Variants in FAM216A observed in about 807,000 individuals in gnomAD.
The protein encoded by FAM216A is family with sequence similarity 216 member A, also known as protein FAM216A.
Under a neutral mutation model 37.6 loss-of-function variants are expected in FAM216A, and 26 were observed. That is an observed-to-expected ratio of 0.69 (90% confidence interval 0.51 to 0.96). The LOEUF is 0.96. Among genes scored for constraint, FAM216A ranks in the 40% least tolerant of loss-of-function variants. The pLI, the probability that FAM216A is intolerant of heterozygous loss-of-function variation, is 0.00. For missense variants in FAM216A, 326 were observed against 339.3 expected, an observed-to-expected ratio of 0.96 and a Z score of 0.31; for synonymous variants, 110 against 121.7, an observed-to-expected ratio of 0.90 and a Z score of 0.64.
At chr12:110,485,673 C>A (rs2062773311) in intron 3 of FAM216A, among the ~76,000 whole-genome samples, 1 of 152,122 alleles carries the variant, frequency 6.6e-6, no homozygotes, top group Admixed American at 6.6e-5. Flanking sequence ...CATTAACGAT[C>A]GTAACTGCTA....
At chr12:110,480,142 C>T (rs1308666782) in intron 2 of FAM216A, among the ~76,000 whole-genome samples, 1 of 149,936 alleles carries the variant, frequency 6.7e-6, no homozygotes, top group African/African-American at 2.4e-5. Flanking sequence ...TCTCCTGCCT[C>T]AGCCTCCTGA....
chr12:110,470,722 G>C (rs1407468991), intron 1 of FAM216A, among the ~76,000 whole-genome samples: 4 of 152,110 alleles, frequency 2.6e-5, no homozygotes, highest in African/African-American at 9.6e-5. Context: ...CTTTATGGAT[G>C]ACAAAACAGG....
At chr12:110,486,056 C>G (rs2062774963) in intron 3 of FAM216A, among the ~76,000 whole-genome samples, 1 of 152,194 alleles carries the variant, frequency 6.6e-6, no homozygotes, top group Non-Finnish European at 1.5e-5. Context: ...CTTGACAGAA[C>G]AGCAGATTCG....
chr12:110,474,609 T>C (rs1009471697), intron 2 of FAM216A, among the ~76,000 whole-genome samples: 1 of 143,012 alleles, frequency 7.0e-6, no homozygotes, highest in African/African-American at 2.7e-5. Flanking sequence ...GGAGAATCAC[T>C]TCAACTCAGG....
At chr12:110,468,835 G>C, upstream of FAM216A, 1 of 1,473,658 alleles carries the variant, frequency 6.8e-7, no homozygotes, top group Non-Finnish European at 9.0e-7. Context: ...CGCCTCTCCG[G>C]AATACCAGCA....
At chr12:110,484,065 T>G (rs1395216716) in intron 2 of FAM216A, among the ~76,000 whole-genome samples, 1 of 151,754 alleles carries the variant, frequency 6.6e-6, no homozygotes. Context: ...CAGTGAGCTA[T>G]GATTATGCCA....
At chr12:110,469,043 G>T (rs998930536) in intron 1 of FAM216A, 25 bp downstream of exon 1, 18 of 1,420,156 alleles carry the variant, frequency 1.3e-5, no homozygotes, top group Non-Finnish European at 1.7e-5. Flanking sequence ...CCCGGGGTAA[G>T]GGTGGCAGCA....
At chr12:110,486,182 T>C (rs2062775536) in intron 3 of FAM216A, 143 bp from the exon 4 acceptor site, 3 of 827,306 alleles carry the variant, frequency 3.6e-6, no homozygotes, top group Non-Finnish European at 5.4e-6. Flanking sequence ...TTTCTTTCTC[T>C]TTTGTCAAGT....
chr12:110,485,357 T>A (rs76614119), intron 3 of FAM216A, among the ~76,000 whole-genome samples, 158 bp downstream of exon 3: 2 of 152,176 alleles, frequency 1.3e-5, no homozygotes, highest in Non-Finnish European at 2.9e-5. Flanking sequence ...AGTAAACTCA[T>A]GAATGAATGT....
chr12:110,478,844 G>A (rs746874596), intron 2 of FAM216A, among the ~76,000 whole-genome samples: 1 of 152,054 alleles, frequency 6.6e-6, no homozygotes, highest in Non-Finnish European at 1.5e-5. Flanking sequence ...CTAAAGTTGT[G>A]TTGTTATGGC....
intron 6 of FAM216A, among the ~76,000 whole-genome samples, chr12:110,489,315 A>G (rs1249582142): frequency 6.6e-6 from 1 of 151,844 alleles, no homozygotes; most frequent in Non-Finnish European, 1.5e-5. Context: ...GAGCAGCCTG[A>G]CCAACATGGA....
chr12:110,485,446 G>T (rs1309075334), intron 3 of FAM216A, among the ~76,000 whole-genome samples: 2 of 151,830 alleles, frequency 1.3e-5, no homozygotes, highest in Non-Finnish European at 2.9e-5. Flanking sequence ...TTACTGAGGG[G>T]AAGCTTAATG....
intron 1 of FAM216A, among the ~76,000 whole-genome samples, chr12:110,472,139 G>C (rs2062690233): frequency 6.6e-6 from 1 of 151,980 alleles, no homozygotes; most frequent in African/African-American, 2.4e-5. Context: ...GCTGAAGTGG[G>C]AGAATTGCTT....
chr12:110,487,893 G>A lies in FAM216A; in HGVS notation c.653G>A (p.Cys218Tyr). Residue 218 changes from cysteine to tyrosine, a missense_variant, in exon 6 of 7, where the codon TGT becomes TAT. Cys to Tyr is a radical substitution (Grantham distance 194). Transcript: ENST00000377673. ...ACTGGATATGCATCTAAAACAAGAT[G>A]TAAGTCACTGAAGATTTTTAGAAGA... ...IKTGYASKTR[C>Y]KSLKIFRRPR... 5.6e-6 allele frequency: 9 copies of A among 1,607,202 alleles called. No individual in the cohort carries two copies. The highest frequency in any genetic ancestry group is 6.8e-6 in the Non-Finnish European group (8 of 1,175,444).
intron 6 of FAM216A, among the ~76,000 whole-genome samples, chr12:110,488,424 A>G (rs1365124152): frequency 1.3e-5 from 2 of 151,350 alleles, no homozygotes; most frequent in Admixed American, 6.6e-5. Context: ...AAAAAAAAAA[A>G]AAAGAAAAGA....
intron 2 of FAM216A, among the ~76,000 whole-genome samples, chr12:110,476,018 G>A (rs1290415017): frequency 5.3e-5 from 8 of 151,866 alleles, no homozygotes; most frequent in African/African-American, 1.9e-4. Context: ...GATTACAGGC[G>A]TGAGCCACCA....
intron 2 of FAM216A, among the ~76,000 whole-genome samples, chr12:110,480,424 C>T (rs55772285): frequency 0.13 from 20,446 of 151,608 alleles, 1,995 homozygotes; most frequent in African/African-American, 0.27. Context: ...AGGATGGTCT[C>T]GATCTCCTGA....
intron 1 of FAM216A, among the ~76,000 whole-genome samples, chr12:110,469,759 C>T (rs912439781): frequency 1.3e-5 from 2 of 152,044 alleles, no homozygotes; most frequent in Non-Finnish European, 2.9e-5. Context: ...AGCCGCCCGC[C>T]TCGGCCTCCC....
chr12:110,472,802 T>G (rs530030552), intron 1 of FAM216A, among the ~76,000 whole-genome samples: 53 of 151,706 alleles, frequency 3.5e-4, no homozygotes, highest in African/African-American at 1.1e-3. Context: ...CTGGCCAATA[T>G]GGTGAAACCG....
Sources: gnomAD v4.1 joint callset for allele counts (sites outside exome capture counted in the v4.1 genomes callset) on GRCh38, gnomAD v4.1.1 for gene constraint, MANE v1.5 for transcripts, NCBI Gene and HGNC (gene_info 2026-07-23, HGNC 2026-07-21) for gene names.